Variants in SART3 observed in about 807,000 individuals in gnomAD.
The protein encoded by SART3 is HIV-1 Tat-interacting protein of 110kDa.
SART3 carries 44 observed loss-of-function variants against 122.3 expected under a neutral mutation model. The observed-to-expected ratio is 0.36, with a 90% CI of 0.28 to 0.46. The LOEUF is 0.46. SART3 is among the 20% of genes least tolerant of loss of function. The pLI, the probability that SART3 is intolerant of heterozygous loss-of-function variation, is 1.00. For missense variants in SART3, 1,101 were observed against 1,229.0 expected, an observed-to-expected ratio of 0.90 and a Z score of 1.56; for synonymous variants, 442 against 454.0, an observed-to-expected ratio of 0.97 and a Z score of 0.34.
At chr12:108,551,815 C>T (rs1022519661) in intron 1 of SART3, among the ~76,000 whole-genome samples, 7 of 151,800 alleles carry the variant, frequency 4.6e-5, no homozygotes, top group Non-Finnish European at 7.4e-5. Context: ...TCTCTGAACA[C>T]GTGAAAATTA....
At chr12:108,542,867 AT>A (rs771884412) in intron 6 of SART3, 160 bp downstream of exon 6, 4 of 999,982 alleles carry the variant, frequency 4.0e-6, no homozygotes, top group South Asian at 2.7e-5. Flanking sequence ...TGGTAGGTAC[AT>A]GGATGTTCAC....
At position 108,526,325 on chromosome 12, in the gene SART3, A is replaced by C; in HGVS notation, c.2144T>G (p.Met715Arg). The C allele has an allele frequency of 6.2e-7, 1 of 1,614,190 alleles. No individual in the cohort carries two copies. Among genetic ancestry groups the C allele is most frequent in the Non-Finnish European group, 8.5e-7 (1 of 1,180,022 alleles). ...CCTGAGCTTCGTGTCCGGCTCCTGCATGCTGTAGGGCAGGTTGCTGACAAA... is the reference window on the plus strand; with the variant it reads ...CCTGAGCTTCGTGTCCGGCTCCTGCCTGCTGTAGGGCAGGTTGCTGACAAA... Reference protein sequence around the residue: ...TVFVSNLPYSMQEPDTKLRPL... With the variant: ...TVFVSNLPYSRQEPDTKLRPL... Residue 715 changes from methionine (M) to arginine (R), a missense_variant, in exon 16 of 19, where the codon ATG (methionine) becomes AGG (arginine). By Grantham distance (91) the Met-to-Arg change is moderately conservative. Transcript: ENST00000546815.
chr12:108,535,786 T>TAA (rs34651226), intron 11 of SART3, among the ~76,000 whole-genome samples: 105 of 143,132 alleles, frequency 7.3e-4, no homozygotes, highest in Admixed American at 9.0e-4. Context: ...GAGACAATGT[T>TAA]AAAAAAAAAA....
Position 108,526,365 on chromosome 12 carries a change from C to A in SART3, c.2104G>T (p.Asp702Tyr). Reference protein sequence around the residue: ...MPKVLHDSSKDSITVFVSNLP... With the variant: ...MPKVLHDSSKYSITVFVSNLP... Reference sequence around the variant, plus strand: ...TTGCTGACAAAGACGGTGATGCTGTCCTTGCTGCTGTCGTGCAGCACCTTG... The same window carrying A: ...TTGCTGACAAAGACGGTGATGCTGTACTTGCTGCTGTCGTGCAGCACCTTG... Residue 702 changes from aspartate to tyrosine, a missense_variant, in exon 16 of 19, where the codon GAC becomes TAC. Asp to Tyr is a radical substitution (Grantham distance 160). Coordinates refer to ENST00000546815, the MANE Select transcript of SART3 (RefSeq NM_014706.4). The A allele has an allele frequency of 1.2e-6, 2 of 1,613,922 alleles. No individual in the cohort carries two copies. Among genetic ancestry groups the A allele is most frequent in the Non-Finnish European group, 1.7e-6 (2 of 1,179,804 alleles).
chr12:108,535,626 G>A lies in SART3; in HGVS notation c.1447-158C>T, dbSNP rs374246550. On this transcript the variant is annotated intron_variant, in intron 11 of 18. Transcript: ENST00000546815. ...CCCAGGCCTCCCTCCAGTGGTAAAC[G>A]ACCCAGCCCAAACACTTGAGCCTTT... 13 of 701,128 alleles carry A rather than the reference G, an allele frequency of 1.9e-5. 1 individual carries two copies. Among genetic ancestry groups the A allele is most frequent in the African/African-American group, 1.0e-4 (6 of 57,596 alleles). 43.4% of individuals were successfully genotyped at this position (701,128 alleles called of 1,614,324 possible). A position where few individuals can be genotyped will look rare whatever the true frequency, so the allele number is the denominator to read the frequency against.
chr12:108,523,267 C>A lies in SART3; in HGVS notation c.*190G>T. 1.5e-6 allele frequency: 1 copy of A among 647,124 alleles called. No homozygotes were observed. The allele number at this position is 647,124 out of a possible 1,614,324, so 40.1% of individuals were successfully genotyped here. ...GAGTGGTCACTTTTCTGCCACTGCC[C>A]TCAATATGAGGGAGCACTGAAAGGC... On this transcript the variant is annotated 3_prime_UTR_variant, in exon 19 of 19. Transcript: ENST00000546815.
intron 1 of SART3, among the ~76,000 whole-genome samples, chr12:108,554,629 T>C (rs1330645438): frequency 2.7e-5 from 4 of 149,152 alleles, no homozygotes; most frequent in African/African-American, 9.8e-5. Flanking sequence ...AATAAATATA[T>C]TTTAATAACA....
At chr12:108,532,563 G>C (rs1019756002) in intron 12 of SART3, 6 of 482,290 alleles carry the variant, frequency 1.2e-5, no homozygotes, top group Non-Finnish European at 2.3e-5. Context: ...GGGGCTACTG[G>C]AAAGTGTACC....
In SART3 at chr12:108,537,670, C is replaced by A. The variant is rs139965438; in HGVS notation, c.1202-75G>T. 2.7e-4 allele frequency: 278 copies of A among 1,018,402 alleles called. 1 individual carries two copies. The African/African-American group carries it at 3.7e-3, about 13-fold the overall frequency. 63.1% of individuals were successfully genotyped at this position (1,018,402 alleles called of 1,614,324 possible). A position where few individuals can be genotyped will look rare whatever the true frequency, so the allele number is the denominator to read the frequency against. On this transcript the variant is annotated intron_variant, in intron 8 of 18. Coordinates refer to ENST00000546815, the MANE Select transcript of SART3 (RefSeq NM_014706.4). ...ATAGAAAGTCACTACATTCTACTGA[C>A]TATAAAACACTACATGACTTTAAAG... is the stretch of plus-strand genomic sequence containing the variant.
At chr12:108,523,861 C>T (rs1872245907) in intron 18 of SART3, 1 of 609,148 alleles carries the variant, frequency 1.6e-6, no homozygotes, top group South Asian at 2.0e-5. Context: ...GCACCAGTCA[C>T]ACTCAGAGGG....
rs1027396549 is a variant in SART3, at chr12:108,549,295, T to C, written c.313-81A>G. On this transcript the variant is annotated intron_variant, in intron 1 of 18. Transcript: ENST00000546815. ...TTTTGTCACTACTGGTAACTACACATATACCTGCCACAAACAAAATAAACG... is the reference window on the plus strand; with the variant it reads ...TTTTGTCACTACTGGTAACTACACACATACCTGCCACAAACAAAATAAACG... 6.3e-6 allele frequency: 9 copies of C among 1,428,708 alleles called. No homozygotes were observed. In the African/African-American group the frequency reaches 8.4e-5, roughly 13 times the overall value. 88.5% of individuals were successfully genotyped at this position (1,428,708 alleles called of 1,614,324 possible).
At chr12:108,524,965 G>C (rs147522125) in intron 17 of SART3, 28 of 295,070 alleles carry the variant, frequency 9.5e-5, no homozygotes, top group Non-Finnish European at 1.7e-4. Flanking sequence ...TGGGCAGTGG[G>C]TAGACAGTAA....
Position 108,525,942 on chromosome 12 carries a change from G to A in SART3, c.2370+157C>T, listed in dbSNP as rs1316886105. 3 of 681,488 alleles carry A rather than the reference G, an allele frequency of 4.4e-6. No homozygotes were observed. The African/African-American group carries it at 5.4e-5, about 12-fold the overall frequency. 42.2% of individuals were successfully genotyped at this position (681,488 alleles called of 1,614,324 possible). A position where few individuals can be genotyped will look rare whatever the true frequency, so the allele number is the denominator to read the frequency against. On this transcript the variant is annotated intron_variant, in intron 16 of 18. Transcript: ENST00000546815. ...GAGCCATGCCATGAGTCAGACCTCA[G>A]TCAACCGGCTCAGGATGGACCTTGG...
At chr12:108,559,687 A>G (rs1023244935) in intron 1 of SART3, among the ~76,000 whole-genome samples, 5 of 144,642 alleles carry the variant, frequency 3.5e-5, no homozygotes, top group African/African-American at 1.3e-4. Flanking sequence ...AAAAAAAAAA[A>G]GAGAGAATGT....
chr12:108,525,483 C>A lies in SART3; in HGVS notation c.2497G>T (p.Val833Phe). 2 of 1,614,198 alleles carry A rather than the reference C, an allele frequency of 1.2e-6. No individual in the cohort carries two copies. The highest frequency in any genetic ancestry group is 1.7e-4 in the Middle Eastern group (1 of 6,048). Residue 833 changes from valine (V) to phenylalanine (F), a missense_variant, in exon 17 of 19, where the codon GTC becomes TTC. Physicochemically the swap from Val to Phe is conservative, Grantham distance 50. Around this residue, in one of 2 missense-constraint regions of SART3, gnomAD observed 885 missense variants for 1,080.1 expected, o/e 0.82. Coordinates refer to ENST00000546815, the MANE Select transcript of SART3 (RefSeq NM_014706.4). ...TTTGGTTTGCCAGCCCGGTTGGTGA[C>A]CAGCCTGAGGTCCTTCACGGTGCCA... is the stretch of plus-strand genomic sequence containing the variant. ...AHGTVKDLRL[V>F]TNRAGKPKGL...
intron 11 of SART3, among the ~76,000 whole-genome samples, 181 bp downstream of exon 11, chr12:108,536,333 A>G (rs2032764): frequency 0.77 from 116,924 of 152,196 alleles, 45,895 homozygotes; most frequent in East Asian, 0.93. Context: ...TTACAAATAT[A>G]TGTCAAGCTA....
chr12:108,544,869 C>A, intron 4 of SART3: 1 of 578,852 alleles, frequency 1.7e-6, no homozygotes, highest in Non-Finnish European at 3.1e-6. Context: ...TTGGCCAACT[C>A]TGGTTCTTTC....
intron 17 of SART3, among the ~76,000 whole-genome samples, chr12:108,525,164 T>C (rs1565856334): frequency 6.6e-6 from 1 of 152,232 alleles, no homozygotes; most frequent in Non-Finnish European, 1.5e-5. Context: ...AAAGCCCGTA[T>C]GCTGCTGGTC....
Position 108,523,002 on chromosome 12 carries a change from C to T in SART3, c.*455G>A, listed in dbSNP as rs73402741. ...AGCTGACTTCCCTCAGACCCACCCC[C>T]ACAAGAGGCCATTCTGTGAATTACT... On this transcript the variant is annotated 3_prime_UTR_variant, in exon 19 of 19. Transcript: ENST00000546815. 5.5e-3 allele frequency: 1,017 copies of T among 183,416 alleles called. 9 individuals are homozygous for T. Among genetic ancestry groups the T allele is most frequent in the African/African-American group, 0.022 (946 of 42,374 alleles). The allele number at this position is 183,416 out of a possible 1,614,324, so 11.4% of individuals were successfully genotyped here.
Sources: allele counts gnomAD v4.1 joint callset (sites outside exome capture counted in the v4.1 genomes callset), GRCh38; gene constraint gnomAD v4.1.1; regional missense constraint gnomAD v4.1.1; transcripts MANE v1.5; gene names NCBI Gene and HGNC (gene_info 2026-07-23, HGNC 2026-07-21).